LY86: variants seen among roughly 807,000 people sequenced by gnomAD.
LY86 encodes the protein MD-1, RP105-associated.
In LY86, 20 loss-of-function variants were observed where a neutral mutation model predicts 17.3. The ratio of observed to expected loss-of-function variants is 1.15; its 90% CI spans 0.81 to 1.68. The LOEUF (loss-of-function observed/expected upper bound fraction) is 1.68, where lower values mean the gene tolerates loss of function less well. Ranked by LOEUF, LY86 falls within the 40% of genes most tolerant of loss-of-function variation. The pLI is 0.00. For synonymous variants in LY86, 74 were observed against 70.6 expected, an observed-to-expected ratio of 1.05 and a Z score of -0.24; for missense variants, 200 against 191.9, an observed-to-expected ratio of 1.04 and a Z score of -0.25.
intron 4 of LY86, among the ~76,000 whole-genome samples, chr6:6,652,049 C>A: frequency 9.8e-6 from 1 of 101,870 alleles, no homozygotes; most frequent in East Asian, 3.0e-4. Flanking sequence ...GAGGAAGACT[C>A]CATCTCAAAA....
intron 4 of LY86, among the ~76,000 whole-genome samples, chr6:6,653,335 T>G (rs535077673): frequency 6.6e-6 from 1 of 152,152 alleles, no homozygotes; most frequent in East Asian, 1.9e-4. Context: ...TCTTTCCTCC[T>G]TTGGGTGACA....
At chr6:6,606,682 C>T (rs186667242) in intron 1 of LY86, among the ~76,000 whole-genome samples, 15 of 152,354 alleles carry the variant, frequency 9.8e-5, no homozygotes, top group African/African-American at 3.1e-4. Context: ...GTGCTAAGCC[C>T]CTCACTACCC....
At chr6:6,606,503 C>T (rs1054408163) in intron 1 of LY86, among the ~76,000 whole-genome samples, 13 of 152,180 alleles carry the variant, frequency 8.5e-5, no homozygotes, top group South Asian at 2.1e-4. Flanking sequence ...TCGATGGGAC[C>T]GGGGCGCCGT....
At chr6:6,640,085 C>G (rs529153670) in intron 3 of LY86, among the ~76,000 whole-genome samples, 2 of 152,278 alleles carry the variant, frequency 1.3e-5, no homozygotes, top group East Asian at 3.9e-4. Flanking sequence ...ATTATTGTCA[C>G]TCTTCCCCCA....
chr6:6,606,842 C>T (rs1300194179), intron 1 of LY86, among the ~76,000 whole-genome samples: 1 of 152,262 alleles, frequency 6.6e-6, no homozygotes, highest in Non-Finnish European at 1.5e-5. Flanking sequence ...GGAGCGGGCT[C>T]CGGCCTTGGC....
Position 6,613,463 on chromosome 6 carries a change from A to AT in LY86, c.137-11463_137-11462insT, listed in dbSNP as rs1761455572. Among the ~76,000 whole-genome samples the AT allele has an allele frequency of 2.0e-5, 3 of 152,146 alleles. No homozygotes were observed. In the South Asian group the frequency reaches 6.2e-4, roughly 31 times the overall value. On this transcript the variant is annotated intron_variant, in intron 1 of 4. Transcript: ENST00000230568. The stretch of plus-strand genomic sequence containing the variant: ...CGGGAGGCAGCCAAGGCCCGGTGAG[A>AT]AATCGAGCACAGCAGCTGCTGGCCC...
At chr6:6,652,931 T>A (rs1762209686) in intron 4 of LY86, among the ~76,000 whole-genome samples, 1 of 152,204 alleles carries the variant, frequency 6.6e-6, no homozygotes, top group South Asian at 2.1e-4. Flanking sequence ...TGTGTCTAAA[T>A]GCACATAGAG....
intron 3 of LY86, among the ~76,000 whole-genome samples, chr6:6,640,650 C>G (rs1762027465): frequency 6.6e-6 from 1 of 151,604 alleles, no homozygotes; most frequent in Non-Finnish European, 1.5e-5. Context: ...GAATTTAAGG[C>G]TGTGGTGAGC....
intron 1 of LY86, among the ~76,000 whole-genome samples, chr6:6,611,536 A>G (rs1264098765): frequency 1.3e-5 from 2 of 152,224 alleles, no homozygotes; most frequent in Non-Finnish European, 2.9e-5. Flanking sequence ...ATTTGGAAAT[A>G]TATAGGAATA....
intron 1 of LY86, among the ~76,000 whole-genome samples, chr6:6,613,080 G>A (rs1275672917): frequency 6.6e-6 from 1 of 152,230 alleles, no homozygotes; most frequent in Non-Finnish European, 1.5e-5. Flanking sequence ...AGAGTAGCCA[G>A]ATACAGAGTG....
intron 1 of LY86, among the ~76,000 whole-genome samples, chr6:6,606,079 A>G (rs1415086023): frequency 6.6e-6 from 1 of 152,180 alleles, no homozygotes; most frequent in Non-Finnish European, 1.5e-5. Flanking sequence ...GCCTGCTTTT[A>G]TTCTCATCTG....
intron 4 of LY86, among the ~76,000 whole-genome samples, chr6:6,653,577 G>A (rs1401576991): frequency 6.6e-6 from 1 of 152,180 alleles, no homozygotes; most frequent in Non-Finnish European, 1.5e-5. Context: ...CTTCTGCCAA[G>A]CTGACTGCAA....
intron 3 of LY86, among the ~76,000 whole-genome samples, chr6:6,627,766 A>C (rs2113143235): frequency 6.6e-6 from 1 of 152,314 alleles, no homozygotes; most frequent in South Asian, 2.1e-4. Context: ...CACCAACCTT[A>C]CAAGTTAATA....
chr6:6,651,892 C>T (rs1006174287), intron 4 of LY86, among the ~76,000 whole-genome samples: 1 of 151,682 alleles, frequency 6.6e-6, no homozygotes, highest in African/African-American at 2.4e-5. Flanking sequence ...CCCATCTCTA[C>T]TAAAAATACA....
chr6:6,633,892 T>TGTG (rs142762066), intron 3 of LY86, among the ~76,000 whole-genome samples: 1 of 151,686 alleles, frequency 6.6e-6, no homozygotes, highest in African/African-American at 2.4e-5. Context: ...GTTAAATAAA[T>TGTG]TGTGTGTGTG....
At chr6:6,611,301 C>A (rs1398906177) in intron 1 of LY86, among the ~76,000 whole-genome samples, 1 of 152,188 alleles carries the variant, frequency 6.6e-6, no homozygotes, top group Non-Finnish European at 1.5e-5. Context: ...GCCTACATAA[C>A]ATAGGCTCCT....
intron 3 of LY86, among the ~76,000 whole-genome samples, chr6:6,638,835 A>G (rs1157804833): frequency 8.9e-6 from 1 of 112,286 alleles, no homozygotes; most frequent in Non-Finnish European, 1.7e-5. Flanking sequence ...CAGTCCCCAG[A>G]GTGTGATGTT....
At chr6:6,622,099 G>A (rs62391993) in intron 1 of LY86, among the ~76,000 whole-genome samples, 1,609 of 152,274 alleles carry the variant, frequency 0.011, 12 homozygotes, top group South Asian at 0.018. Context: ...CGCTTTTTAA[G>A]CAATCTGTCT....
At chr6:6,598,566 A>C (rs1760790982) in intron 1 of LY86, among the ~76,000 whole-genome samples, 1 of 152,190 alleles carries the variant, frequency 6.6e-6, no homozygotes. Context: ...TCTTTACTTA[A>C]ATTTTACCTA....
Sources: gnomAD v4.1 joint callset for allele counts (sites outside exome capture counted in the v4.1 genomes callset) on GRCh38, gnomAD v4.1.1 for gene constraint, MANE v1.5 for transcripts, NCBI Gene and HGNC (gene_info 2026-07-23, HGNC 2026-07-21) for gene names.